The following CHST15 variants were observed in gnomAD, a reference collection of about 807,000 sequenced individuals.
CHST15 encodes B cell RAG associated protein (GALNAC4S-6ST).
Under a neutral mutation model 53.6 loss-of-function variants are expected in CHST15, and 30 were observed. The observed-to-expected ratio is 0.56, with a 90% confidence interval of 0.42 to 0.76. CHST15 has a LOEUF of 0.76. Ranked by LOEUF, CHST15 falls within the 30% of genes least tolerant of loss-of-function variation. The probability of loss-of-function intolerance (pLI) is 0.00; values close to 1 mark genes in which losing one functional copy is unlikely to be tolerated. For synonymous variants in CHST15, 296 were observed against 289.8 expected (o/e 1.02, Z -0.22); for missense variants, 627 against 740.5 (o/e 0.85, Z 1.78).
chr10:124,028,578 C>A (rs4472872), intron 5 of CHST15, among the ~76,000 whole-genome samples: 37,643 of 152,166 alleles, frequency 0.25, 4,898 homozygotes, highest in East Asian at 0.46. Flanking sequence ...ATGTTTTCAT[C>A]ACCCTGATGA....
Position 124,019,893 on chromosome 10 carries a change from G to T in CHST15, c.1347+1363C>A. The T allele has an allele frequency of 1.0e-6, 1 of 986,046 alleles. No homozygotes were observed. The highest frequency in any genetic ancestry group is 1.7e-5 in the African/African-American group (1 of 57,364). The allele number at this position is 986,046 out of a possible 1,614,324, so 61.1% of individuals were successfully genotyped here. On this transcript the variant is annotated intron_variant, in intron 6 of 7. Transcript: ENST00000435907. The surrounding 1 kb of genome is among the most constrained non-coding windows in gnomAD (Gnocchi z 4.6). ...CACACCAGGCGGCTGGCTGCGTTCT[G>T]TATGGTAGGTGGTGCTGACCACTGG...
chr10:124,056,431 G>C (rs1485284205), intron 1 of CHST15, among the ~76,000 whole-genome samples: 1 of 152,164 alleles, frequency 6.6e-6, no homozygotes, highest in African/African-American at 2.4e-5. Flanking sequence ...CATCACTCAG[G>C]CTTGTCTCCT....
At chr10:124,035,095 C>CA (rs1947413636) in intron 5 of CHST15, among the ~76,000 whole-genome samples, 1 of 132,764 alleles carries the variant, frequency 7.5e-6, no homozygotes, top group South Asian at 2.3e-4. Context: ...CGGCTCCACC[C>CA]CTAACAGGGA....
intron 5 of CHST15, among the ~76,000 whole-genome samples, chr10:124,033,934 T>A (rs547248379): frequency 1.3e-5 from 2 of 152,346 alleles, no homozygotes; most frequent in South Asian, 4.1e-4. Flanking sequence ...TTTGGCAAAC[T>A]TTTTCCGCAG....
At chr10:124,010,917 G>C in intron 7 of CHST15, 1 of 985,442 alleles carries the variant, frequency 1.0e-6, no homozygotes, top group Non-Finnish European at 1.2e-6. Context: ...GCAGCAAGGA[G>C]ATCAGGGAGA....
At chr10:124,071,152 T>C (rs1034526687) in intron 1 of CHST15, among the ~76,000 whole-genome samples, 1 of 152,244 alleles carries the variant, frequency 6.6e-6, no homozygotes, top group African/African-American at 2.4e-5. Context: ...TGAGATGCAG[T>C]GCAGCCCAGG....
chr10:124,065,985 G>A (rs1249343031), intron 1 of CHST15, among the ~76,000 whole-genome samples: 3 of 152,138 alleles, frequency 2.0e-5, no homozygotes, highest in Non-Finnish European at 2.9e-5. Flanking sequence ...ACTTGGAAAC[G>A]TTTCAAAAGC....
chr10:124,011,708 TG>T lies in CHST15; in HGVS notation c.1495+624del, dbSNP rs929920309. 4.1e-6 allele frequency: 4 copies of T among 985,396 alleles called. 1 individual carries two copies. Among genetic ancestry groups the T allele is most frequent in the South Asian group, 9.4e-5 (2 of 21,288 alleles). The allele number at this position is 985,396 out of a possible 1,614,324, so 61.0% of individuals were successfully genotyped here. On this transcript the variant is annotated intron_variant, in intron 7 of 7. Coordinates refer to ENST00000435907, the MANE Select transcript of CHST15 (RefSeq NM_001270764.2). ...CACCACAAAGTGACTCTCAGGCCCCTGGGGGGGCTGGTATCCACAGGCTGAG... is the reference window on the plus strand; with the variant it reads ...CACCACAAAGTGACTCTCAGGCCCCTGGGGGGCTGGTATCCACAGGCTGAG...
intron 6 of CHST15, among the ~76,000 whole-genome samples, chr10:124,016,344 C>G (rs557291947): frequency 1.5e-4 from 23 of 152,278 alleles, no homozygotes; most frequent in Non-Finnish European, 2.8e-4. Flanking sequence ...ACCGGCTTCT[C>G]CTCCCAGAAA....
At chr10:124,020,955 T>G in intron 6 of CHST15, 1 of 1,391,616 alleles carries the variant, frequency 7.2e-7, no homozygotes, top group Non-Finnish European at 9.3e-7. Flanking sequence ...TGTCTGCCGA[T>G]TCTAATTGCT....
intron 1 of CHST15, among the ~76,000 whole-genome samples, chr10:124,062,089 T>G (rs1358400254): frequency 6.6e-6 from 1 of 151,646 alleles, no homozygotes; most frequent in African/African-American, 2.4e-5. Flanking sequence ...AAGGACATTT[T>G]CCCTTGTCTT....
intron 1 of CHST15, among the ~76,000 whole-genome samples, chr10:124,091,599 T>C (rs1184891431): frequency 6.6e-6 from 1 of 152,256 alleles, no homozygotes; most frequent in African/African-American, 2.4e-5. Context: ...TTAGCCCCTT[T>C]GCTCAGCCTC....
At chr10:124,048,456 C>T (rs1382297672) in intron 1 of CHST15, among the ~76,000 whole-genome samples, 2 of 152,220 alleles carry the variant, frequency 1.3e-5, no homozygotes, top group Non-Finnish European at 2.9e-5. Context: ...CCAGGCCAGA[C>T]ATCTCAGGCC....
At chr10:124,021,191 TAAC>T (rs769564898) in intron 6 of CHST15, 62 bp downstream of exon 6, 1 of 1,244,642 alleles carries the variant, frequency 8.0e-7, no homozygotes, top group Non-Finnish European at 1.1e-6. Context: ...GCTTGCATAA[TAAC>T]AACAAACCAG....
chr10:124,037,056 G>A (rs777920252), intron 5 of CHST15, among the ~76,000 whole-genome samples: 12 of 152,098 alleles, frequency 7.9e-5, no homozygotes, highest in Admixed American at 2.0e-4. Context: ...GGTGGCTGCC[G>A]GCACTCCTTG....
rs539711096 is a variant in CHST15 at position 124,010,938 on chromosome 10, C to T, written c.1496-599G>A. ...AGGAGATCAGGGAGAAGAGGCCTGC[C>T]GGCAAGGGCTGTCAGTCACCCCCAC... On this transcript the variant is annotated intron_variant, in intron 7 of 7. Coordinates refer to ENST00000435907, the MANE Select transcript of CHST15 (RefSeq NM_001270764.2). The T allele has an allele frequency of 2.2e-5, 22 of 985,400 alleles. No homozygotes were observed. The African/African-American group carries it at 3.8e-4, about 17-fold the overall frequency. 61.0% of individuals were successfully genotyped at this position (985,400 alleles called of 1,614,324 possible). A position where few individuals can be genotyped will look rare whatever the true frequency, so the allele number is the denominator to read the frequency against.
chr10:124,073,769 GCCAAA>G, intron 1 of CHST15, among the ~76,000 whole-genome samples: 1 of 152,256 alleles, frequency 6.6e-6, no homozygotes. Context: ...TTTCAGAGGC[GCCAAA>G]CCAAAGCTCC....
At position 124,010,354 on chromosome 10, in the gene CHST15, G is replaced by A. The variant is rs748447072; in HGVS notation, c.1496-15C>T. The A allele has an allele frequency of 3.2e-6, 5 of 1,555,166 alleles. No homozygotes were observed. Among genetic ancestry groups the A allele is most frequent in the South Asian group, 1.2e-5 (1 of 83,354 alleles). On this transcript the variant is annotated splice_polypyrimidine_tract_variant and intron_variant, in intron 7 of 7. Transcript: ENST00000435907. ...ACTTAAGGGCCCTAGAATAAAAGAA[G>A]ACGAGTCCCGTAAGGCAGGAGGCAT...
Position 124,009,994 on chromosome 10 carries a change from G to A in CHST15, c.*155C>T, listed in dbSNP as rs2133810013. 6.7e-7 allele frequency: 1 copy of A among 1,482,054 alleles called. No homozygotes were observed. The highest frequency in any genetic ancestry group is 8.9e-7 in the Non-Finnish European group (1 of 1,120,512). 91.8% of individuals were successfully genotyped at this position (1,482,054 alleles called of 1,614,324 possible). ...TGCTGAGCTCTCGAACATCACGAAG[G>A]AAATTCCAAAATGGTTATAATTCAT... On this transcript the variant is annotated 3_prime_UTR_variant, in exon 8 of 8. Coordinates refer to ENST00000435907, the MANE Select transcript of CHST15 (RefSeq NM_001270764.2).
Sources: allele counts gnomAD v4.1 joint callset (sites outside exome capture counted in the v4.1 genomes callset), GRCh38; gene constraint gnomAD v4.1.1; non-coding constraint Gnocchi (gnomAD v3.1); transcripts MANE v1.5; gene names NCBI Gene and HGNC (gene_info 2026-07-23, HGNC 2026-07-21).